Variants in NDST4 observed in about 807,000 individuals in gnomAD.
NDST4 encodes the protein N-heparan sulfate sulfotransferase 4.
A neutral mutation model predicts 100.8 loss-of-function variants in NDST4; 63 were observed. The observed-to-expected ratio is 0.62, with a 90% CI of 0.51 to 0.77. The LOEUF (loss-of-function observed/expected upper bound fraction) is 0.77, where lower values mean the gene tolerates loss of function less well. Among genes scored for constraint, NDST4 ranks in the 30% least tolerant of loss-of-function variants. The pLI, the probability that NDST4 is intolerant of heterozygous loss-of-function variation, is 0.00. For synonymous variants in NDST4, 377 were observed against 361.8 expected (o/e 1.04, Z -0.48); for missense variants, 943 against 1,018.4 (o/e 0.93, Z 1.01).
At chr4:114,957,353 G>T (rs1726162867) in intron 4 of NDST4, among the ~76,000 whole-genome samples, 3 of 152,076 alleles carry the variant, frequency 2.0e-5, no homozygotes, top group Admixed American at 6.5e-5. Flanking sequence ...ATTGTGTAGG[G>T]GATCTCCCCT....
chr4:115,112,059 T>C (rs1362325451), intron 1 of NDST4, among the ~76,000 whole-genome samples: 1 of 151,496 alleles, frequency 6.6e-6, no homozygotes, highest in African/African-American at 2.4e-5. Context: ...CTTTATATTC[T>C]TTACATAAAC....
At chr4:114,913,121 C>A (rs1321969268) in intron 6 of NDST4, among the ~76,000 whole-genome samples, 2 of 146,532 alleles carry the variant, frequency 1.4e-5, no homozygotes, top group Non-Finnish European at 3.0e-5. Flanking sequence ...AGTTACAGGC[C>A]ACAGAAAAAA....
chr4:115,009,687 G>T (rs1347161660), intron 2 of NDST4, among the ~76,000 whole-genome samples: 3 of 121,908 alleles, frequency 2.5e-5, no homozygotes, highest in Non-Finnish European at 5.2e-5. Context: ...TGACAAATGG[G>T]ATCTAATTAA....
At chr4:115,086,951 T>C (rs1346931507) in intron 1 of NDST4, among the ~76,000 whole-genome samples, 1 of 152,038 alleles carries the variant, frequency 6.6e-6, no homozygotes, top group Non-Finnish European at 1.5e-5. Flanking sequence ...GTGGCCAAGT[T>C]GAGAGGTCTG....
chr4:114,920,516 G>GA (rs1341327456), intron 6 of NDST4, among the ~76,000 whole-genome samples: 4 of 152,128 alleles, frequency 2.6e-5, no homozygotes, highest in Admixed American at 2.0e-4. Flanking sequence ...TTTATACTTT[G>GA]AATGGCATTA....
chr4:114,888,810 A>G (rs765108871), intron 6 of NDST4, among the ~76,000 whole-genome samples: 30 of 152,262 alleles, frequency 2.0e-4, no homozygotes, highest in Middle Eastern at 3.4e-3. Flanking sequence ...CGGTATCAGC[A>G]TTTCTTCGGT....
At chr4:114,828,041 A>C in intron 13 of NDST4, 106 bp from the exon 14 acceptor site, 1 of 933,804 alleles carries the variant, frequency 1.1e-6, no homozygotes, top group Non-Finnish European at 1.5e-6. Context: ...ATACGTGTCT[A>C]CAACATATTA....
chr4:114,966,526 C>A (rs1357436685), intron 4 of NDST4, among the ~76,000 whole-genome samples: 1 of 151,900 alleles, frequency 6.6e-6, no homozygotes, highest in African/African-American at 2.4e-5. Context: ...ATTAATATAT[C>A]TGAATATGTT....
chr4:114,992,710 G>A (rs1727068620), intron 2 of NDST4, among the ~76,000 whole-genome samples: 1 of 151,768 alleles, frequency 6.6e-6, no homozygotes, highest in Admixed American at 6.6e-5. Context: ...TCATTATATG[G>A]TATTTCATTT....
intron 1 of NDST4, among the ~76,000 whole-genome samples, chr4:115,092,375 G>A (rs1194772800): frequency 6.6e-6 from 1 of 152,138 alleles, no homozygotes; most frequent in African/African-American, 2.4e-5. Context: ...TTTGATATCT[G>A]TAAATGAGGG....
chr4:114,838,715 T>A (rs1002377254), intron 11 of NDST4, among the ~76,000 whole-genome samples: 4 of 151,618 alleles, frequency 2.6e-5, no homozygotes, highest in African/African-American at 9.7e-5. Context: ...ATACCTAATG[T>A]AGGTGACGGA....
intron 1 of NDST4, among the ~76,000 whole-genome samples, chr4:115,091,535 A>G (rs1331380372): frequency 6.6e-6 from 1 of 152,122 alleles, no homozygotes; most frequent in Non-Finnish European, 1.5e-5. Flanking sequence ...TGTGGCTACA[A>G]TTTCCACTTA....
At chr4:114,885,564 T>C (rs1275642047) in intron 6 of NDST4, among the ~76,000 whole-genome samples, 1 of 152,148 alleles carries the variant, frequency 6.6e-6, no homozygotes, top group Non-Finnish European at 1.5e-5. Flanking sequence ...GAAAATTGTT[T>C]CTGTGCCTTA....
intron 4 of NDST4, among the ~76,000 whole-genome samples, chr4:114,939,616 A>T (rs529939503): frequency 6.6e-6 from 1 of 152,042 alleles, no homozygotes; most frequent in African/African-American, 2.4e-5. Flanking sequence ...TCAAACAACT[A>T]TATCTCCTCA....
chr4:115,059,228 CA>C (rs1247844930), intron 2 of NDST4, among the ~76,000 whole-genome samples: 1 of 151,874 alleles, frequency 6.6e-6, no homozygotes, highest in East Asian at 1.9e-4. Flanking sequence ...CCAAAGAAAA[CA>C]GATTAGAAAT....
chr4:115,060,739 A>G (rs1214262384), intron 2 of NDST4, among the ~76,000 whole-genome samples: 1 of 151,934 alleles, frequency 6.6e-6, no homozygotes, highest in Non-Finnish European at 1.5e-5. Flanking sequence ...ACATTTACAC[A>G]CACAAAAATA....
At chr4:115,097,010 C>A (rs560648332) in intron 1 of NDST4, among the ~76,000 whole-genome samples, 4 of 152,190 alleles carry the variant, frequency 2.6e-5, no homozygotes, top group East Asian at 1.9e-4. Flanking sequence ...CAGAAACTAT[C>A]TTTAGTAAGC....
chr4:114,974,670 C>G (rs1309048950), intron 3 of NDST4, among the ~76,000 whole-genome samples: 2 of 152,034 alleles, frequency 1.3e-5, no homozygotes, highest in Non-Finnish European at 2.9e-5. Context: ...ATTTTTTTCC[C>G]ATTTAACCTG....
intron 4 of NDST4, among the ~76,000 whole-genome samples, chr4:114,939,027 A>C (rs184807626): frequency 1.3e-5 from 2 of 152,286 alleles, no homozygotes; most frequent in East Asian, 3.9e-4. Context: ...AAAGTCCAGT[A>C]ATAAAAGTAC....
Sources: gnomAD v4.1 joint callset for allele counts (sites outside exome capture counted in the v4.1 genomes callset) on GRCh38, gnomAD v4.1.1 for gene constraint, MANE v1.5 for transcripts, NCBI Gene and HGNC (gene_info 2026-07-23, HGNC 2026-07-21) for gene names.